The following CAMKK1 variants were observed in gnomAD, a reference collection of about 807,000 sequenced individuals.
CAMKK1 encodes the protein calcium/calmodulin dependent protein kinase kinase 1.
In CAMKK1, 20 loss-of-function variants were observed where a neutral mutation model predicts 63.5. That is an observed-to-expected ratio of 0.32 (90% CI 0.22 to 0.46). The LOEUF is 0.46. Ranked by LOEUF, CAMKK1 falls within the 20% of genes least tolerant of loss-of-function variation. CAMKK1 has a pLI of 1.00. For synonymous variants in CAMKK1, 253 were observed against 269.0 expected, an observed-to-expected ratio of 0.94 and a Z score of 0.58; for missense variants, 588 against 658.1, an observed-to-expected ratio of 0.89 and a Z score of 1.17.
At chr17:3,888,950 C>T (rs1488041308) in intron 1 of CAMKK1, among the ~76,000 whole-genome samples, 1 of 151,958 alleles carries the variant, frequency 6.6e-6, no homozygotes, top group African/African-American at 2.4e-5. Context: ...GGTCCCCACA[C>T]AGGAGCGCAC....
chr17:3,885,852 T>C (rs1250508981), intron 1 of CAMKK1, 122 bp from the exon 2 acceptor site: 8 of 963,640 alleles, frequency 8.3e-6, no homozygotes, highest in Non-Finnish European at 9.1e-6. Context: ...TCTACCGGGA[T>C]TGCCAACACC....
At chr17:3,873,031 G>C (rs930003808) in intron 11 of CAMKK1, among the ~76,000 whole-genome samples, 11 of 152,232 alleles carry the variant, frequency 7.2e-5, no homozygotes, top group African/African-American at 2.7e-4. Flanking sequence ...CGTCAGCGTT[G>C]GGTGTCCCCA....
intron 1 of CAMKK1, among the ~76,000 whole-genome samples, chr17:3,891,961 G>A (rs571197810): frequency 3.5e-4 from 53 of 152,168 alleles, no homozygotes; most frequent in Non-Finnish European, 5.7e-4. Flanking sequence ...GACCGAGGAA[G>A]AGGCGAAGGG....
At position 3,882,080 on chromosome 17, in the gene CAMKK1, A is replaced by G. The variant is rs2055431221; in HGVS notation, c.686-432T>C. 1 of 568,184 alleles carries G rather than the reference A, an allele frequency of 1.8e-6. No individual in the cohort carries two copies. The highest frequency in any genetic ancestry group is 2.9e-5 in the East Asian group (1 of 34,174). 35.2% of individuals were successfully genotyped at this position (568,184 alleles called of 1,614,324 possible). A position where few individuals can be genotyped will look rare whatever the true frequency, so the allele number is the denominator to read the frequency against. On this transcript the variant is annotated intron_variant, in intron 7 of 15. Transcript: ENST00000348335. The surrounding 1 kb of genome is among the most constrained non-coding windows in gnomAD (Gnocchi z 4.3). ...TGAACCAGACACAAGGAACTAAAATAATAACATTACTATTAACAAGGATAA... is the reference window on the plus strand; with the variant it reads ...TGAACCAGACACAAGGAACTAAAATGATAACATTACTATTAACAAGGATAA...
chr17:3,881,899 G>A (rs1045766391), intron 7 of CAMKK1: 17 of 551,260 alleles, frequency 3.1e-5, no homozygotes, highest in South Asian at 9.5e-5. Flanking sequence ...TTTTACAGAG[G>A]GGGAAACTGA....
At chr17:3,881,507 G>A (rs938839786) in intron 8 of CAMKK1, 120 bp downstream of exon 8, 5 of 938,598 alleles carry the variant, frequency 5.3e-6, no homozygotes, top group East Asian at 2.7e-5. Context: ...ACCCCTAAGG[G>A]CAGGGCCTCC....
At chr17:3,870,231 A>G (rs1037664643) in intron 12 of CAMKK1, among the ~76,000 whole-genome samples, 1 of 152,080 alleles carries the variant, frequency 6.6e-6, no homozygotes, top group Non-Finnish European at 1.5e-5. Context: ...ACAGAGGAGG[A>G]AACTGAGGCC....
In CAMKK1 at chr17:3,872,573, G is replaced by T. The variant is rs200825064; in HGVS notation, c.1105C>A (p.Pro369Thr). The change falls in exon 12 of 16, where the codon CCC (proline) becomes ACC (threonine). Residue 369 changes from proline to threonine, a missense_variant. This residue lies in a region of CAMKK1 where 226 missense variants were observed against 229.2 expected (regional missense o/e 0.99). Transcript: ENST00000348335. ...ACTCACTCCTCAGGAAACACCACGG[G>T]CTCATTCTTGATCTTCCTGTGGAGG... Reference protein sequence around the residue: ...LALHRKIKNEPVVFPEEPEIS... With the variant: ...LALHRKIKNETVVFPEEPEIS... 6 of 1,613,924 alleles carry T rather than the reference G, an allele frequency of 3.7e-6. No homozygotes were observed. The East Asian group carries it at 1.1e-4, about 30-fold the overall frequency.
At position 3,881,087 on chromosome 17, in the gene CAMKK1, C is replaced by T. The variant is rs73321916; in HGVS notation, c.707+540G>A. Among the ~76,000 whole-genome samples the T allele has an allele frequency of 8.1e-4, 124 of 152,338 alleles. 1 individual carries two copies. Among genetic ancestry groups the T allele is most frequent in the African/African-American group, 2.9e-3 (120 of 41,576 alleles). On this transcript the variant is annotated intron_variant, in intron 8 of 15. Coordinates refer to ENST00000348335, the MANE Select transcript of CAMKK1 (RefSeq NM_032294.3). ...CCACCCAGCCCCGTGCTCATTACTC[C>T]ATGTCATCTGCTCTGTAAATACCCT... is the stretch of plus-strand genomic sequence containing the variant.
chr17:3,862,152 G>T lies in CAMKK1; in HGVS notation c.*59C>A. On this transcript the variant is annotated 3_prime_UTR_variant, in exon 16 of 16. Coordinates refer to ENST00000348335, the MANE Select transcript of CAMKK1 (RefSeq NM_032294.3). The surrounding 1 kb of genome is among the most constrained non-coding windows in gnomAD (Gnocchi z 4.1). Reference sequence around the variant, plus strand: ...CGGGGGCGGCTGTTGCATGAGGGGTGGGCCTCTGGAGGCGCGGGATGAGTG... The same window carrying T: ...CGGGGGCGGCTGTTGCATGAGGGGTTGGCCTCTGGAGGCGCGGGATGAGTG... 1 of 1,420,786 alleles carries T rather than the reference G, an allele frequency of 7.0e-7. No individual in the cohort carries two copies. Among genetic ancestry groups the T allele is most frequent in the Non-Finnish European group, 9.7e-7 (1 of 1,035,844 alleles). The allele number at this position is 1,420,786 out of a possible 1,614,324, so 88.0% of individuals were successfully genotyped here.
chr17:3,864,852 A>G (rs1296850149), intron 15 of CAMKK1, among the ~76,000 whole-genome samples: 1 of 152,094 alleles, frequency 6.6e-6, no homozygotes, highest in African/African-American at 2.4e-5. Flanking sequence ...AGGGGTCCCG[A>G]CCCTTCTGAA....
intron 15 of CAMKK1, 68 bp downstream of exon 15, chr17:3,865,840 G>T: frequency 6.2e-7 from 1 of 1,600,228 alleles, no homozygotes; most frequent in Admixed American, 1.7e-5. Context: ...AGAGTGGGAG[G>T]ATGGGCCTCA....
chr17:3,867,127 A>G (rs2054559579), intron 14 of CAMKK1, among the ~76,000 whole-genome samples: 1 of 152,228 alleles, frequency 6.6e-6, no homozygotes, highest in Non-Finnish European at 1.5e-5. Flanking sequence ...AAACAAGGGA[A>G]TGGCGATGAG....
In CAMKK1 at chr17:3,866,027, C is replaced by T. The variant is rs1380233523; in HGVS notation, c.1342-16G>A. 3 of 1,612,928 alleles carry T rather than the reference C, an allele frequency of 1.9e-6. No individual in the cohort carries two copies. The highest frequency in any genetic ancestry group is 1.7e-4 in the Middle Eastern group (1 of 5,992). On this transcript the variant is annotated splice_polypyrimidine_tract_variant and intron_variant, in intron 14 of 15. Coordinates refer to ENST00000348335, the MANE Select transcript of CAMKK1 (RefSeq NM_032294.3). Reference sequence around the variant, plus strand: ...TCACCAGGATCTGAGGAGGACAAGGCAGCGTGAGGAGCACAGGTCCCAGGC... The same window carrying T: ...TCACCAGGATCTGAGGAGGACAAGGTAGCGTGAGGAGCACAGGTCCCAGGC...
rs552614551 is a variant in CAMKK1 at position 3,869,572 on chromosome 17, G to C, written c.1256C>G (p.Ser419Trp). Residue 419 changes from serine to tryptophan, a missense_variant, in exon 14 of 16, where the codon TCG becomes TGG. By Grantham distance (177) the Ser-to-Trp change is radical. Transcript: ENST00000348335. ...VTKNGEEPLPSEEEHCSVVEV... is the reference protein window; with the variant it reads ...VTKNGEEPLPWEEEHCSVVEV... ...CACCACGCTGCAGTGCTCCTCCTCC[G>C]AAGGAAGGGGCTCCTCCCCGTTCTT... is the stretch of plus-strand genomic sequence containing the variant. 1.9e-6 allele frequency: 3 copies of C among 1,614,170 alleles called. No individual in the cohort carries two copies. In the South Asian group the frequency reaches 3.3e-5, roughly 18 times the overall value.
intron 11 of CAMKK1, among the ~76,000 whole-genome samples, chr17:3,873,193 C>T (rs1246156010): frequency 6.6e-6 from 1 of 152,216 alleles, no homozygotes; most frequent in Non-Finnish European, 1.5e-5. Context: ...TCGTCGGCAC[C>T]TCCCCTTAGG....
rs180725990 is a variant in CAMKK1 at position 3,885,801 on chromosome 17, G to A, written c.-43-71C>T. 6.8e-4 allele frequency: 1,001 copies of A among 1,473,876 alleles called. 2 individuals carry two copies. The highest frequency in any genetic ancestry group is 5.5e-3 in the Middle Eastern group (31 of 5,628). The allele number at this position is 1,473,876 out of a possible 1,614,324, so 91.3% of individuals were successfully genotyped here. A position where few individuals can be genotyped will look rare whatever the true frequency, so the allele number is the denominator to read the frequency against. On this transcript the variant is annotated intron_variant, in intron 1 of 15. Transcript: ENST00000348335. ...GGCTACCAGGTAAGGTAGCCACAGC[G>A]CTGTGGGTCCCACCTCCATGCCTTT...
At position 3,885,511 on chromosome 17, in the gene CAMKK1, T is replaced by C. The variant is rs2055608213; in HGVS notation, c.177A>G (p.Ser59=). ...RAASVIPGST[S]RLLPARPSLS... ...GGCTAGGCCGGGCTGGGAGCAGTCT[T>C]GAAGTACTGCCAGGGATCACAGAGG... The change falls in exon 2 of 16, where the codon TCA becomes TCG. Residue 59 remains serine, a synonymous_variant. Coordinates refer to ENST00000348335, the MANE Select transcript of CAMKK1 (RefSeq NM_032294.3). 1.2e-6 allele frequency: 2 copies of C among 1,613,800 alleles called. No individual in the cohort carries two copies. The highest frequency in any genetic ancestry group is 1.1e-5 in the South Asian group (1 of 91,080).
chr17:3,865,616 T>C (rs2054488885), intron 15 of CAMKK1: 2 of 1,246,470 alleles, frequency 1.6e-6, no homozygotes, highest in South Asian at 2.2e-5. Context: ...TCAAGCTGCA[T>C]GGAAGAAGGG....
Sources: gnomAD v4.1 joint callset for allele counts (sites outside exome capture counted in the v4.1 genomes callset) on GRCh38, gnomAD v4.1.1 for gene constraint, gnomAD v4.1.1 regional missense constraint, Gnocchi (gnomAD v3.1) non-coding constraint, MANE v1.5 for transcripts, NCBI Gene and HGNC (gene_info 2026-07-23, HGNC 2026-07-21) for gene names.